The following KMO variants were observed in gnomAD, a reference collection of about 807,000 sequenced individuals.
The protein encoded by KMO is kynurenine 3-monooxygenase.
Under a neutral mutation model 57.8 loss-of-function variants are expected in KMO, and 24 were observed. The ratio of observed to expected loss-of-function variants is 0.42; its 90% confidence interval spans 0.30 to 0.58. KMO has a LOEUF of 0.58. Among genes scored for constraint, KMO ranks in the 20% least tolerant of loss-of-function variants. The pLI is 0.22. For missense variants in KMO, 483 were observed against 588.2 expected, an observed-to-expected ratio of 0.82 and a Z score of 1.85; for synonymous variants, 210 against 193.6, an observed-to-expected ratio of 1.08 and a Z score of -0.70.
intron 10 of KMO, among the ~76,000 whole-genome samples, chr1:241,579,291 C>G (rs952126434): frequency 1.3e-5 from 2 of 152,004 alleles, no homozygotes; most frequent in Non-Finnish European, 2.9e-5. Flanking sequence ...AGGGGAGGTA[C>G]TCTGGTTTCT....
At chr1:241,547,808 A>G (rs574633607) in intron 1 of KMO, among the ~76,000 whole-genome samples, 1 of 152,298 alleles carries the variant, frequency 6.6e-6, no homozygotes, top group South Asian at 2.1e-4. Context: ...ACTTTTGACC[A>G]GATATTCCAC....
chr1:241,544,933 A>G (rs191707529), intron 1 of KMO, among the ~76,000 whole-genome samples: 20 of 152,316 alleles, frequency 1.3e-4, no homozygotes, highest in African/African-American at 4.6e-4. Context: ...GTGGGCCTCC[A>G]TACTCAAAAG....
chr1:241,566,171 A>G (rs61825646), intron 8 of KMO, among the ~76,000 whole-genome samples: 104 of 152,192 alleles, frequency 6.8e-4, no homozygotes, highest in African/African-American at 2.4e-3. Flanking sequence ...GCCCCACAGC[A>G]CTCCGGCCTG....
chr1:241,584,542 A>T (rs1165143396), intron 10 of KMO, among the ~76,000 whole-genome samples: 2 of 152,228 alleles, frequency 1.3e-5, no homozygotes, highest in Non-Finnish European at 2.9e-5. Context: ...TAGATGTTGA[A>T]CACTACTGCC....
intron 3 of KMO, among the ~76,000 whole-genome samples, chr1:241,550,681 A>G (rs994168396): frequency 6.6e-6 from 1 of 152,174 alleles, no homozygotes; most frequent in Non-Finnish European, 1.5e-5. Context: ...TAACCTCTGT[A>G]ACAACAAATC....
intron 2 of KMO, among the ~76,000 whole-genome samples, chr1:241,549,455 TA>T (rs1325440855): frequency 6.6e-6 from 1 of 152,092 alleles, no homozygotes; most frequent in African/African-American, 2.4e-5. Flanking sequence ...GTTTCTTTAA[TA>T]AAACGCTTTT....
At chr1:241,555,244 G>T (rs1289378770) in intron 4 of KMO, among the ~76,000 whole-genome samples, 1 of 152,176 alleles carries the variant, frequency 6.6e-6, no homozygotes, top group African/African-American at 2.4e-5. Context: ...TAGTGATACT[G>T]TCATGACTGA....
intron 9 of KMO, among the ~76,000 whole-genome samples, chr1:241,566,867 G>T (rs1014901449): frequency 1.3e-5 from 2 of 152,132 alleles, no homozygotes; most frequent in East Asian, 3.9e-4. Flanking sequence ...TCTTATGCAG[G>T]CTCCTCAGGC....
chr1:241,546,824 G>A (rs1661165747), intron 1 of KMO, among the ~76,000 whole-genome samples: 1 of 152,184 alleles, frequency 6.6e-6, no homozygotes, highest in Admixed American at 6.5e-5. Flanking sequence ...TCAAAAAACA[G>A]ATCTGGATAG....
At chr1:241,577,753 G>A (rs565968479) in intron 10 of KMO, among the ~76,000 whole-genome samples, 30 of 152,264 alleles carry the variant, frequency 2.0e-4, no homozygotes, top group African/African-American at 7.2e-4. Flanking sequence ...GTATCCCTGG[G>A]CAGAAACTAT....
chr1:241,548,718 A>G (rs1661249699), intron 1 of KMO, 111 bp from the exon 2 acceptor site: 1 of 618,228 alleles, frequency 1.6e-6, no homozygotes, highest in Non-Finnish European at 2.8e-6. Context: ...ATATGACCAC[A>G]CACAATGTGA....
intron 11 of KMO, among the ~76,000 whole-genome samples, chr1:241,587,686 C>T (rs1663057853): frequency 6.6e-6 from 1 of 152,054 alleles, no homozygotes; most frequent in Admixed American, 6.5e-5. Flanking sequence ...TCAAGTGATC[C>T]ACCCACCTCT....
At chr1:241,562,825 C>T (rs776684070) in intron 7 of KMO, among the ~76,000 whole-genome samples, 3 of 149,448 alleles carry the variant, frequency 2.0e-5, no homozygotes, top group Admixed American at 1.3e-4. Flanking sequence ...AGCAACATAG[C>T]CCAATCCTGT....
chr1:241,590,372 A>G (rs775928415), intron 14 of KMO, 109 bp downstream of exon 14: 9 of 887,604 alleles, frequency 1.0e-5, no homozygotes, highest in South Asian at 3.0e-5. Flanking sequence ...ACAGACACCA[A>G]CTGTTTGCCT....
chr1:241,547,964 G>GCCCTACTAAA (rs1207719230), intron 1 of KMO, among the ~76,000 whole-genome samples: 14 of 152,046 alleles, frequency 9.2e-5, no homozygotes, highest in Admixed American at 3.3e-4. Context: ...CAGATAATCT[G>GCCCTACTAAA]TGATCTTTCA....
intron 11 of KMO, among the ~76,000 whole-genome samples, chr1:241,587,852 T>G (rs989271087): frequency 9.9e-5 from 15 of 152,146 alleles, no homozygotes; most frequent in Admixed American, 7.9e-4. Context: ...GTGATTGGTT[T>G]GCACATGACC....
At chr1:241,535,899 TC>T (rs1660735849) in intron 1 of KMO, among the ~76,000 whole-genome samples, 1 of 152,210 alleles carries the variant, frequency 6.6e-6, no homozygotes, top group Admixed American at 6.5e-5. Flanking sequence ...AATGCTGCCT[TC>T]TATTAAAATT....
At chr1:241,548,035 A>G (rs188029090) in intron 1 of KMO, among the ~76,000 whole-genome samples, 1 of 152,064 alleles carries the variant, frequency 6.6e-6, no homozygotes, top group East Asian at 1.9e-4. Context: ...ATGTAACCAT[A>G]TAAATGAATC....
intron 5 of KMO, among the ~76,000 whole-genome samples, chr1:241,559,247 T>G (rs550752080): frequency 6.6e-6 from 1 of 152,302 alleles, no homozygotes; most frequent in Admixed American, 6.5e-5. Context: ...CATCTCAATT[T>G]AGGATAGCCA....
Sources: gnomAD v4.1 joint callset for allele counts (sites outside exome capture counted in the v4.1 genomes callset) on GRCh38, gnomAD v4.1.1 for gene constraint, MANE v1.5 for transcripts, NCBI Gene and HGNC (gene_info 2026-07-23, HGNC 2026-07-21) for gene names.